Variants in TAMM41 observed in about 807,000 individuals in gnomAD.
The protein encoded by TAMM41 is phosphatidate cytidylyltransferase, mitochondrial.
In TAMM41, 36 loss-of-function variants were observed where a neutral mutation model predicts 44.1. The ratio of observed to expected loss-of-function variants is 0.82; its 90% CI spans 0.63 to 1.08. The LOEUF (loss-of-function observed/expected upper bound fraction) is 1.08. Among genes scored for constraint, TAMM41 ranks in the 50% least tolerant of loss-of-function variants. TAMM41 has a pLI of 0.00. For synonymous variants in TAMM41, 164 were observed against 153.1 expected (o/e 1.07, Z -0.53); for missense variants, 417 against 404.3 (o/e 1.03, Z -0.27).
intron 5 of TAMM41, among the ~76,000 whole-genome samples, chr3:11,811,835 A>C (rs1166069665): frequency 6.6e-6 from 1 of 152,180 alleles, no homozygotes. Flanking sequence ...AATATTCTAA[A>C]ATTACATTGT....
intron 5 of TAMM41, among the ~76,000 whole-genome samples, chr3:11,814,719 T>G (rs2078218083): frequency 6.6e-6 from 1 of 152,168 alleles, no homozygotes; most frequent in South Asian, 2.1e-4. Flanking sequence ...ACCCAATACT[T>G]TGGAAGACCA....
chr3:11,797,002 C>T (rs1372842090), intron 7 of TAMM41, among the ~76,000 whole-genome samples: 2 of 152,160 alleles, frequency 1.3e-5, no homozygotes, highest in Non-Finnish European at 2.9e-5. Context: ...AGAGATGACA[C>T]AAACAAATGG....
chr3:11,754,448 A>T, the TAMM41 span, among the ~76,000 whole-genome samples: 4 of 152,088 alleles, frequency 2.6e-5, no homozygotes, highest in Non-Finnish European at 5.9e-5. Context: ...ATCATGGCTT[A>T]CTGCAGCCTC....
chr3:11,727,569 ATCC>A, the TAMM41 span, among the ~76,000 whole-genome samples: 2 of 152,100 alleles, frequency 1.3e-5, no homozygotes, highest in Non-Finnish European at 2.9e-5. Flanking sequence ...GGCTTCAGTG[ATCC>A]TCACACCTCA....
the TAMM41 span, among the ~76,000 whole-genome samples, chr3:11,753,679 G>A: frequency 6.6e-6 from 1 of 152,242 alleles, no homozygotes; most frequent in Middle Eastern, 3.4e-3. Flanking sequence ...AGAGCTTGCA[G>A]TGAGCTGAGG....
chr3:11,844,003 T>C (rs2079562838), intron 2 of TAMM41, 26 bp downstream of exon 2: 2 of 1,607,424 alleles, frequency 1.2e-6, no homozygotes, highest in East Asian at 4.5e-5. Context: ...CCAGCCAAGT[T>C]AAGACAAAGG....
chr3:11,725,369 C>T, the TAMM41 span, among the ~76,000 whole-genome samples: 1 of 130,066 alleles, frequency 7.7e-6, no homozygotes, highest in South Asian at 2.7e-4. Flanking sequence ...TCTTCTTCTC[C>T]TCCTCCTCTT....
At chr3:11,775,788 C>T in the TAMM41 span, among the ~76,000 whole-genome samples, 3 of 152,080 alleles carry the variant, frequency 2.0e-5, no homozygotes, top group African/African-American at 2.4e-5. Flanking sequence ...GCATGCCTGC[C>T]GATGTTTCAG....
the TAMM41 span, among the ~76,000 whole-genome samples, chr3:11,750,821 G>A: frequency 5.9e-5 from 9 of 152,252 alleles, no homozygotes; most frequent in South Asian, 1.4e-3. Context: ...CATTCATAAG[G>A]AGACTTTATT....
At chr3:11,796,303 G>A (rs1258196122) in intron 7 of TAMM41, among the ~76,000 whole-genome samples, 1 of 152,140 alleles carries the variant, frequency 6.6e-6, no homozygotes, top group East Asian at 1.9e-4. Context: ...CACCCTGGAC[G>A]CTCTCATGTA....
At chr3:11,790,850 A>G (rs2077462078) in intron 7 of TAMM41, among the ~76,000 whole-genome samples, 1 of 152,240 alleles carries the variant, frequency 6.6e-6, no homozygotes, top group Admixed American at 6.5e-5. Context: ...TGAGTTATGA[A>G]CATATTGGCA....
At chr3:11,731,251 G>A in the TAMM41 span, among the ~76,000 whole-genome samples, 3 of 152,186 alleles carry the variant, frequency 2.0e-5, no homozygotes, top group Non-Finnish European at 4.4e-5. Flanking sequence ...ATCAGATCTT[G>A]TTTAGACTAT....
rs1228407439 is a variant in TAMM41, at chr3:11,829,851, G to A, written c.425C>T (p.Ser142Leu). 6.2e-7 allele frequency: 1 copy of A among 1,614,142 alleles called. No homozygotes were observed. Among genetic ancestry groups the A allele is most frequent in the South Asian group, 1.1e-5 (1 of 91,080 alleles). Residue 142 changes from serine to leucine, a missense_variant, in exon 4 of 8, where the codon TCA (serine) becomes TTA (leucine). Physicochemically the swap from Ser to Leu is moderately radical, Grantham distance 145 (BLOSUM62 -2). Coordinates refer to ENST00000455809, the MANE Select transcript of TAMM41 (RefSeq NM_001284401.2). ...TCTAAGAGTGACATCCTCGTTCACTGAGATAATTTTCACCTGAAAGAAGCA... is the reference window on the plus strand; with the variant it reads ...TCTAAGAGTGACATCCTCGTTCACTAAGATAATTTTCACCTGAAAGAAGCA... ...GRLQKPVKII[S>L]VNEDVTLRSA...
chr3:11,829,917 A>T, intron 3 of TAMM41, 53 bp from the exon 4 acceptor site: 5 of 1,561,364 alleles, frequency 3.2e-6, no homozygotes, highest in Non-Finnish European at 4.4e-6. Flanking sequence ...AGTATTGCTC[A>T]AGCATGGGTT....
At chr3:11,776,062 A>G in the TAMM41 span, among the ~76,000 whole-genome samples, 56 of 148,058 alleles carry the variant, frequency 3.8e-4, no homozygotes, top group Non-Finnish European at 4.6e-4. Flanking sequence ...TGCCCAGGCT[A>G]GAGTGCAGTG....
intron 7 of TAMM41, among the ~76,000 whole-genome samples, chr3:11,793,352 A>C (rs1337691404): frequency 6.6e-6 from 1 of 152,188 alleles, no homozygotes; most frequent in Non-Finnish European, 1.5e-5. Context: ...TAAAATGAAA[A>C]AGACCTAAAC....
the TAMM41 span, among the ~76,000 whole-genome samples, chr3:11,746,553 T>C: frequency 6.6e-6 from 1 of 152,080 alleles, no homozygotes; most frequent in Non-Finnish European, 1.5e-5. Flanking sequence ...ACTACTGATA[T>C]ACACAACATG....
At chr3:11,813,991 TACACACACACAC>T (rs35804902) in intron 5 of TAMM41, among the ~76,000 whole-genome samples, 75 of 145,946 alleles carry the variant, frequency 5.1e-4, no homozygotes, top group African/African-American at 1.8e-3. Flanking sequence ...CACCTGTGTA[TACACACACACAC>T]ACACACACAC....
rs926049168 is a variant in TAMM41 at position 11,843,980 on chromosome 3, C to T, written c.318+49G>A. On this transcript the variant is annotated intron_variant, in intron 2 of 7. Transcript: ENST00000455809. ...ACATATTTAGCTGGCACTCTAATAA[C>T]CCAGGTAAATAACCAGCCAAGTTAA... is the stretch of plus-strand genomic sequence containing the variant. 1.9e-6 allele frequency: 3 copies of T among 1,586,214 alleles called. No homozygotes were observed. The African/African-American group carries it at 4.0e-5, about 21-fold the overall frequency.
Sources: allele counts gnomAD v4.1 joint callset (sites outside exome capture counted in the v4.1 genomes callset), GRCh38; gene constraint gnomAD v4.1.1; transcripts MANE v1.5; gene names NCBI Gene and HGNC (gene_info 2026-07-23, HGNC 2026-07-21).